Variants in KCNC1 observed in about 807,000 individuals in gnomAD.
KCNC1 encodes the protein voltage-gated potassium channel KCNC1.
KCNC1 carries 8 observed loss-of-function variants against 43.4 expected under a neutral mutation model. The ratio of observed to expected loss-of-function variants is 0.18; its 90% CI spans 0.11 to 0.33. The LOEUF (loss-of-function observed/expected upper bound fraction) is 0.33, where lower values mean the gene tolerates loss of function less well. Ranked by LOEUF, KCNC1 falls within the 10% of genes least tolerant of loss-of-function variation. KCNC1 has a pLI of 1.00. For synonymous variants in KCNC1, 361 were observed against 360.5 expected (o/e 1.00, Z -0.01); for missense variants, 420 against 836.0 (o/e 0.50, Z 6.14).
chr11:17,778,228 C>G (rs1213865892), intron 2 of KCNC1, among the ~76,000 whole-genome samples: 1 of 152,172 alleles, frequency 6.6e-6, no homozygotes, highest in African/African-American at 2.4e-5. Context: ...TCTGTCAGCT[C>G]CAGAGGCTTC....
intron 1 of KCNC1, among the ~76,000 whole-genome samples, chr11:17,769,650 T>A (rs748312100): frequency 6.6e-6 from 1 of 151,672 alleles, no homozygotes; most frequent in Non-Finnish European, 1.5e-5. Flanking sequence ...AAAACCAGCC[T>A]GGACAACATA....
At chr11:17,760,954 G>C (rs1027990053) in intron 1 of KCNC1, among the ~76,000 whole-genome samples, 1 of 152,222 alleles carries the variant, frequency 6.6e-6, no homozygotes, top group Admixed American at 6.5e-5. Context: ...CTTGTTACCA[G>C]AGTTAGGCGG....
At chr11:17,752,098 C>A (rs1411349021) in intron 1 of KCNC1, among the ~76,000 whole-genome samples, 1 of 152,164 alleles carries the variant, frequency 6.6e-6, no homozygotes, top group Non-Finnish European at 1.5e-5. Flanking sequence ...AACTCCAAGG[C>A]TTTAGTTCTA....
intron 1 of KCNC1, among the ~76,000 whole-genome samples, chr11:17,752,766 G>A (rs1266966142): frequency 1.3e-5 from 2 of 152,116 alleles, no homozygotes; most frequent in South Asian, 2.1e-4. Flanking sequence ...TTGGGGTGGT[G>A]GCCACCTTGT....
Position 17,777,257 on chromosome 11 carries a change from C to G in KCNC1, c.1505-2199C>G, listed in dbSNP as rs1849297678. On this transcript the variant is annotated intron_variant, in intron 2 of 3. Coordinates refer to ENST00000265969, the MANE Select transcript of KCNC1 (RefSeq NM_001112741.2). The surrounding 1 kb of genome is among the most constrained non-coding windows in gnomAD (Gnocchi z 4.3). ...GCAGAGGCAGAGAGAAGGCACCCCC[C>G]TCTGACCCACCCCTCCCCAGGCAAG... 2.0e-6 allele frequency: 2 copies of G among 985,788 alleles called. No homozygotes were observed. The highest frequency in any genetic ancestry group is 3.5e-5 in the African/African-American group (2 of 57,218). 61.1% of individuals were successfully genotyped at this position (985,788 alleles called of 1,614,324 possible). A position where few individuals can be genotyped will look rare whatever the true frequency, so the allele number is the denominator to read the frequency against.
In KCNC1 at chr11:17,763,312, C is replaced by T. The variant is rs551964992; in HGVS notation, c.571-8353C>T. Among the ~76,000 whole-genome samples the T allele has an allele frequency of 5.9e-5, 9 of 152,104 alleles. No individual in the cohort carries two copies. The East Asian group carries it at 1.7e-3, about 29-fold the overall frequency. On this transcript the variant is annotated intron_variant, in intron 1 of 3. Coordinates refer to ENST00000265969, the MANE Select transcript of KCNC1 (RefSeq NM_001112741.2). ...CACCTTCCTCCAAGTCCAGGACAGTCCCAGGGAAAGGGGCACACCCCTGGG... is the reference window on the plus strand; with the variant it reads ...CACCTTCCTCCAAGTCCAGGACAGTTCCAGGGAAAGGGGCACACCCCTGGG...
intron 1 of KCNC1, among the ~76,000 whole-genome samples, chr11:17,769,629 G>A (rs1316285604): frequency 6.6e-6 from 1 of 151,984 alleles, no homozygotes; most frequent in African/African-American, 2.4e-5. Flanking sequence ...CTTACCTGAG[G>A]CCAGGAGTTC....
At chr11:17,780,456 G>A (rs868699986) in intron 3 of KCNC1, 2 of 152,492 alleles carry the variant, frequency 1.3e-5, no homozygotes, top group Middle Eastern at 3.4e-3. Flanking sequence ...TTGGGGTGGG[G>A]GCCCAGGGCG....
intron 2 of KCNC1, among the ~76,000 whole-genome samples, chr11:17,778,306 A>G (rs961095175): frequency 1.4e-4 from 22 of 152,084 alleles, no homozygotes; most frequent in African/African-American, 5.3e-4. Flanking sequence ...CCCCCCACCA[A>G]ATGTGCTCCC....
chr11:17,768,105 T>C (rs1849175556), intron 1 of KCNC1, among the ~76,000 whole-genome samples: 1 of 151,656 alleles, frequency 6.6e-6, no homozygotes, highest in South Asian at 2.1e-4. Flanking sequence ...AGAGCTGGAG[T>C]CGGAGATGGG....
rs1243089942 is a variant in KCNC1, at chr11:17,771,309, C to T, written c.571-356C>T. On this transcript the variant is annotated intron_variant, in intron 1 of 3. Transcript: ENST00000265969. The surrounding 1 kb of genome is among the most constrained non-coding windows in gnomAD (Gnocchi z 4.7). ...TCAGCTCCAAATCACAGTGACTGAA[C>T]ACAATGGAAATTTATTTCCCACTCA... Among the ~76,000 whole-genome samples the T allele has an allele frequency of 1.3e-5, 2 of 152,196 alleles. No homozygotes were observed. The highest frequency in any genetic ancestry group is 1.3e-4 in the Admixed American group (2 of 15,284).
In KCNC1 at chr11:17,736,335, G is replaced by A. The variant is rs1321370547; in HGVS notation, c.333G>A (p.Gln111=). The stretch of plus-strand genomic sequence containing the variant: ...CCTGCTGCTGGATGACGTACCGCCA[G>A]CACCGCGACGCCGAGGAGGCTCTGG... ...VEPCCWMTYR[Q]HRDAEEALDS... Residue 111 remains glutamine (Q), a synonymous_variant, in exon 1 of 4, where the codon CAG becomes CAA. Coordinates refer to ENST00000265969, the MANE Select transcript of KCNC1 (RefSeq NM_001112741.2). The surrounding 1 kb of genome is among the most constrained non-coding windows in gnomAD (Gnocchi z 9.3). The A allele has an allele frequency of 1.2e-6, 2 of 1,612,992 alleles. No homozygotes were observed. The highest frequency in any genetic ancestry group is 8.5e-7 in the Non-Finnish European group (1 of 1,179,872).
intron 1 of KCNC1, among the ~76,000 whole-genome samples, chr11:17,767,458 G>T (rs1849167211): frequency 6.6e-6 from 1 of 152,146 alleles, no homozygotes; most frequent in East Asian, 1.9e-4. Context: ...GCTGGTGTGA[G>T]GACTGAAGGC....
In KCNC1 at chr11:17,738,721, G is replaced by A. The variant is rs561567241; in HGVS notation, c.570+2149G>A. On this transcript the variant is annotated intron_variant, in intron 1 of 3. Coordinates refer to ENST00000265969, the MANE Select transcript of KCNC1 (RefSeq NM_001112741.2). ...TGAGGTTCTATTGGTGTGCAAAACC[G>A]TACAGAAAAGTCTTGAAAAAAATCT... Among the ~76,000 whole-genome samples the A allele has an allele frequency of 9.2e-5, 14 of 152,290 alleles. No homozygotes were observed. In the East Asian group the frequency reaches 2.3e-3, roughly 25 times the overall value.
At chr11:17,780,825 C>T (rs1849337269) in intron 3 of KCNC1, 1 of 152,360 alleles carries the variant, frequency 6.6e-6, no homozygotes, top group Non-Finnish European at 1.5e-5. Context: ...CTGGTCTAGG[C>T]TGGTCTCTGC....
chr11:17,738,127 G>A (rs1848791163), intron 1 of KCNC1, among the ~76,000 whole-genome samples: 1 of 152,114 alleles, frequency 6.6e-6, no homozygotes, highest in Non-Finnish European at 1.5e-5. Flanking sequence ...CCCTCCCCAA[G>A]GTCACCCAGG....
intron 1 of KCNC1, among the ~76,000 whole-genome samples, chr11:17,752,956 A>G (rs1227795419): frequency 6.6e-6 from 1 of 152,216 alleles, no homozygotes; most frequent in African/African-American, 2.4e-5. Flanking sequence ...CTGGTGCATA[A>G]TAGGCATTCA....
chr11:17,775,733 G>T, intron 2 of KCNC1: 1 of 985,950 alleles, frequency 1.0e-6, no homozygotes. Flanking sequence ...CGCGTCCAGG[G>T]CTGCAGGGTC....
chr11:17,777,426 C>T lies in KCNC1; in HGVS notation c.1505-2030C>T, dbSNP rs1469055617. 1 of 985,900 alleles carries T rather than the reference C, an allele frequency of 1.0e-6. No homozygotes were observed. Among genetic ancestry groups the T allele is most frequent in the Non-Finnish European group, 1.2e-6 (1 of 829,968 alleles). 61.1% of individuals were successfully genotyped at this position (985,900 alleles called of 1,614,324 possible). A position where few individuals can be genotyped will look rare whatever the true frequency, so the allele number is the denominator to read the frequency against. On this transcript the variant is annotated intron_variant, in intron 2 of 3. Coordinates refer to ENST00000265969, the MANE Select transcript of KCNC1 (RefSeq NM_001112741.2). The surrounding 1 kb of genome is among the most constrained non-coding windows in gnomAD (Gnocchi z 4.3). ...AAAATCCATGCAGGGTGCTATGGGC[C>T]TCAACCCCCACATCGTCATCCGCGT... is the stretch of plus-strand genomic sequence containing the variant.
Sources: allele counts gnomAD v4.1 joint callset (sites outside exome capture counted in the v4.1 genomes callset), GRCh38; gene constraint gnomAD v4.1.1; non-coding constraint Gnocchi (gnomAD v3.1); transcripts MANE v1.5; gene names NCBI Gene and HGNC (gene_info 2026-07-23, HGNC 2026-07-21).